The following CNTN5 variants were observed in gnomAD, a reference collection of about 807,000 sequenced individuals.
The protein encoded by CNTN5 is contactin-5.
Under a neutral mutation model 129.1 loss-of-function variants are expected in CNTN5, and 77 were observed. That is an observed-to-expected ratio of 0.60 (90% CI 0.50 to 0.72). The LOEUF is 0.72. CNTN5 is among the 30% of genes least tolerant of loss of function. The pLI is 0.00. For synonymous variants in CNTN5, 509 were observed against 465.6 expected, an observed-to-expected ratio of 1.09 and a Z score of -1.20; for missense variants, 1,478 against 1,328.8, an observed-to-expected ratio of 1.11 and a Z score of -1.75.
At chr11:99,050,851 T>C (rs2135174080) in intron 1 of CNTN5, among the ~76,000 whole-genome samples, 2 of 152,064 alleles carry the variant, frequency 1.3e-5, no homozygotes, top group South Asian at 4.1e-4. Context: ...ACAGCATGTT[T>C]TTAACTACAG....
chr11:99,283,594 T>C (rs975694498), intron 1 of CNTN5, among the ~76,000 whole-genome samples: 2 of 152,164 alleles, frequency 1.3e-5, no homozygotes, highest in African/African-American at 4.8e-5. Flanking sequence ...TACTTGATGA[T>C]AAAAATTCTA....
At chr11:100,014,984 T>C (rs952844983) in intron 9 of CNTN5, among the ~76,000 whole-genome samples, 16 of 152,148 alleles carry the variant, frequency 1.1e-4, no homozygotes, top group Admixed American at 5.2e-4. Context: ...TCCAAAGGTA[T>C]AAAATTTTAA....
At chr11:99,784,237 T>C (rs1382019298) in intron 3 of CNTN5, among the ~76,000 whole-genome samples, 7 of 152,178 alleles carry the variant, frequency 4.6e-5, no homozygotes, top group Admixed American at 3.3e-4. Context: ...GGTGGTTTGC[T>C]CCACCCATCA....
chr11:99,308,655 A>C (rs2135962921), intron 1 of CNTN5, among the ~76,000 whole-genome samples: 1 of 152,328 alleles, frequency 6.6e-6, no homozygotes, highest in East Asian at 1.9e-4. Flanking sequence ...GCTTTCAGGA[A>C]AATATTCAAC....
intron 3 of CNTN5, among the ~76,000 whole-genome samples, chr11:99,676,974 G>A (rs1203321855): frequency 6.6e-6 from 1 of 152,010 alleles, no homozygotes; most frequent in African/African-American, 2.4e-5. Flanking sequence ...TGACATGTTT[G>A]ACTACACTTT....
chr11:100,038,399 A>AT (rs1373688660), intron 9 of CNTN5, among the ~76,000 whole-genome samples: 4 of 152,048 alleles, frequency 2.6e-5, no homozygotes, highest in Non-Finnish European at 4.4e-5. Flanking sequence ...TATGTGGTCA[A>AT]TTTTGGAATA....
In CNTN5 at chr11:99,250,178, G is replaced by T. The variant is rs1488211087; in HGVS notation, c.-209-75168G>T. On this transcript the variant is annotated intron_variant, in intron 1 of 24. Coordinates refer to ENST00000524871, the MANE Select transcript of CNTN5 (RefSeq NM_014361.4). ...CTTGGTATAATATAGTAATTAGGTG[G>T]TAAAGCTAGAACCAGTGATATCTCC... 2.6e-5 allele frequency among the ~76,000 whole-genome samples: 4 copies of T among 151,864 alleles called. No homozygotes were observed. The East Asian group carries it at 5.8e-4, about 22-fold the overall frequency.
intron 2 of CNTN5, among the ~76,000 whole-genome samples, chr11:99,526,867 A>G (rs1947506981): frequency 6.6e-6 from 1 of 152,240 alleles, no homozygotes; most frequent in Non-Finnish European, 1.5e-5. Context: ...CACTGCTGCT[A>G]GAATTGCTTT....
rs186187621 is a variant in CNTN5 at position 99,683,504 on chromosome 11, G to A, written c.55+127235G>A. On this transcript the variant is annotated intron_variant, in intron 3 of 24. Transcript: ENST00000524871. ...TGTTCCATTGGTTTATTTGTATATC[G>A]TTGTGCCAATATCATACTGCCTTGG... 1.5e-3 allele frequency among the ~76,000 whole-genome samples: 220 copies of A among 151,714 alleles called. 1 individual carries two copies. Among genetic ancestry groups the A allele is most frequent in the African/African-American group, 4.9e-3 (201 of 41,412 alleles).
chr11:100,346,700 G>A (rs1191511945), intron 23 of CNTN5, among the ~76,000 whole-genome samples: 1 of 151,998 alleles, frequency 6.6e-6, no homozygotes, highest in Non-Finnish European at 1.5e-5. Flanking sequence ...CTTTCTACCT[G>A]TTAACAGAGC....
intron 16 of CNTN5, among the ~76,000 whole-genome samples, chr11:100,240,713 T>C (rs77378431): frequency 0.07 from 10,725 of 152,206 alleles, 414 homozygotes; most frequent in Middle Eastern, 0.2. Flanking sequence ...ATAAAGCAAG[T>C]ACAAATTTAT....
rs529329565 is a variant in CNTN5, at chr11:99,365,458, T to A, written c.-71+39974T>A. ...CTTTTTACTCTACCATGCTGTTTCA[T>A]AGAACATGTGGAGAGAAGAGAAAAC... On this transcript the variant is annotated intron_variant, in intron 2 of 24. Coordinates refer to ENST00000524871, the MANE Select transcript of CNTN5 (RefSeq NM_014361.4). 2.0e-5 allele frequency among the ~76,000 whole-genome samples: 3 copies of A among 152,268 alleles called. No individual in the cohort carries two copies. In the East Asian group the frequency reaches 5.8e-4, roughly 29 times the overall value.
intron 7 of CNTN5, among the ~76,000 whole-genome samples, chr11:99,945,689 G>T (rs1032188633): frequency 9.2e-5 from 14 of 151,918 alleles, no homozygotes; most frequent in African/African-American, 2.7e-4. Context: ...ACAAGCTCAA[G>T]ACTGCAAAGC....
At chr11:99,901,968 G>A (rs572207939) in intron 6 of CNTN5, among the ~76,000 whole-genome samples, 97 of 152,254 alleles carry the variant, frequency 6.4e-4, no homozygotes, top group Non-Finnish European at 1.1e-3. Context: ...TGTTACACAA[G>A]TAAGGAAATT....
intron 3 of CNTN5, among the ~76,000 whole-genome samples, chr11:99,787,328 A>G (rs937194936): frequency 6.6e-6 from 1 of 151,694 alleles, no homozygotes; most frequent in Non-Finnish European, 1.5e-5. Context: ...GACAGTGATC[A>G]TGAAATTAGG....
intron 2 of CNTN5, among the ~76,000 whole-genome samples, chr11:99,356,893 A>G (rs931181759): frequency 6.6e-6 from 1 of 152,230 alleles, no homozygotes; most frequent in Non-Finnish European, 1.5e-5. Context: ...AGATTATCTT[A>G]CCTTAACAAT....
At chr11:99,706,776 T>C (rs187081222) in intron 3 of CNTN5, among the ~76,000 whole-genome samples, 1 of 151,440 alleles carries the variant, frequency 6.6e-6, no homozygotes, top group African/African-American at 2.4e-5. Flanking sequence ...CTGACCTTTT[T>C]AATGACCAAA....
At chr11:99,971,958 C>A (rs1311798369) in intron 8 of CNTN5, among the ~76,000 whole-genome samples, 2 of 147,848 alleles carry the variant, frequency 1.4e-5, no homozygotes, top group African/African-American at 2.5e-5. Context: ...GAAAAAAAAA[C>A]AAAAAAAACG....
intron 3 of CNTN5, among the ~76,000 whole-genome samples, chr11:99,711,486 GT>G (rs144263393): frequency 2.0e-5 from 3 of 151,260 alleles, no homozygotes; most frequent in Non-Finnish European, 4.4e-5. Context: ...TGAAGACACA[GT>G]TTTTTTTATT....
Sources: gnomAD v4.1 joint callset for allele counts (sites outside exome capture counted in the v4.1 genomes callset) on GRCh38, gnomAD v4.1.1 for gene constraint, MANE v1.5 for transcripts, NCBI Gene and HGNC (gene_info 2026-07-23, HGNC 2026-07-21) for gene names.